Variants in ANKS6 observed in about 807,000 individuals in gnomAD.
The protein encoded by ANKS6 is ankyrin repeat and SAM domain-containing protein 6.
Under a neutral mutation model 77.9 loss-of-function variants are expected in ANKS6, and 47 were observed. The observed-to-expected ratio is 0.60, with a 90% CI of 0.48 to 0.77. The LOEUF is 0.77. Ranked by LOEUF, ANKS6 falls within the 30% of genes least tolerant of loss-of-function variation. The pLI, the probability that ANKS6 is intolerant of heterozygous loss-of-function variation, is 0.00. For missense variants in ANKS6, 1,150 were observed against 1,159.1 expected, an observed-to-expected ratio of 0.99 and a Z score of 0.11; for synonymous variants, 488 against 501.7, an observed-to-expected ratio of 0.97 and a Z score of 0.37.
chr9:98,738,306 G>A (rs181424237), intron 14 of ANKS6, among the ~76,000 whole-genome samples: 13 of 152,036 alleles, frequency 8.6e-5, no homozygotes, highest in Admixed American at 7.8e-4. Flanking sequence ...AACCCACAGA[G>A]TGGGAAAAAA....
At chr9:98,760,419 AATCCTGCCCTG>A (rs1159576440) in intron 11 of ANKS6, among the ~76,000 whole-genome samples, 1,034 of 75,990 alleles carry the variant, frequency 0.014, 10 homozygotes, top group African/African-American at 0.048. Context: ...CCTGCCCTCT[AATCCTGCCCTG>A]GTCTTTGCTG....
At chr9:98,753,593 C>T (rs1010093532) in intron 12 of ANKS6, among the ~76,000 whole-genome samples, 1 of 150,438 alleles carries the variant, frequency 6.6e-6, no homozygotes, top group Admixed American at 6.7e-5. Flanking sequence ...TGTACCCCAG[C>T]CTGGGTGACA....
In ANKS6 at chr9:98,732,476, G is replaced by A. The variant is rs780121761; in HGVS notation, c.*4043C>T. 2.3e-5 allele frequency: 35 copies of A among 1,549,916 alleles called. No individual in the cohort carries two copies. Among genetic ancestry groups the A allele is most frequent in the Admixed American group, 1.8e-4 (9 of 50,982 alleles). ...GCCACTCCTCACTTCTGTGGGCTCC[G>A]ATGCCAGCAGAGCCACCTGAGCGGC... On this transcript the variant is annotated 3_prime_UTR_variant, in exon 15 of 15. Transcript: ENST00000353234.
chr9:98,768,057 G>C (rs751710568), intron 11 of ANKS6, 24 bp downstream of exon 11: 14 of 1,588,854 alleles, frequency 8.8e-6, no homozygotes, highest in South Asian at 2.3e-5. Flanking sequence ...AGTGTAACAG[G>C]AGGAGGCCAC....
chr9:98,768,851 C>T (rs117002373), intron 10 of ANKS6, among the ~76,000 whole-genome samples: 1,618 of 152,228 alleles, frequency 0.011, 14 homozygotes, highest in Non-Finnish European at 0.015. Flanking sequence ...ATAAAGGGGC[C>T]GGGTGCAGTG....
rs942310263 is a variant in ANKS6, at chr9:98,733,464, C to T, written c.*3055G>A. ...GGGACCCTGCCATCTCAAAGCAGGA[C>T]CGGTCCCCTGATGTCCCACTGCCAA... is the stretch of plus-strand genomic sequence containing the variant. On this transcript the variant is annotated 3_prime_UTR_variant, in exon 15 of 15. Coordinates refer to ENST00000353234, the MANE Select transcript of ANKS6 (RefSeq NM_173551.5). 1.0e-6 allele frequency: 1 copy of T among 985,504 alleles called. No homozygotes were observed. The highest frequency in any genetic ancestry group is 1.2e-6 in the Non-Finnish European group (1 of 830,012). The allele number at this position is 985,504 out of a possible 1,614,324, so 61.0% of individuals were successfully genotyped here.
At chr9:98,789,841 T>C (rs1324091150) in intron 2 of ANKS6, 1 of 426,518 alleles carries the variant, frequency 2.3e-6, no homozygotes, top group Non-Finnish European at 4.0e-6. Flanking sequence ...ATCAGAATGA[T>C]GTGCTTGGGG....
At chr9:98,762,436 C>T (rs1234374334) in intron 11 of ANKS6, among the ~76,000 whole-genome samples, 2 of 152,096 alleles carry the variant, frequency 1.3e-5, no homozygotes, top group African/African-American at 4.8e-5. Flanking sequence ...CCTTATTGTA[C>T]TAGCCATAGT....
At position 98,763,994 on chromosome 9, in the gene ANKS6, G is replaced by C. The variant is rs11794260; in HGVS notation, c.2142+4087C>G. On this transcript the variant is annotated intron_variant, in intron 11 of 14. Transcript: ENST00000353234. ...TTCTGTAAGTTAAAACCTTCCAAAA[G>C]AGAAAACGGCAGGCCCAAATGGTTT... 4.9e-3 allele frequency among the ~76,000 whole-genome samples: 753 copies of C among 152,210 alleles called. 6 individuals are homozygous for C. The highest frequency in any genetic ancestry group is 0.022 in the South Asian group (108 of 4,820).
Position 98,771,034 on chromosome 9 carries a change from G to C in ANKS6, c.1834C>G (p.Pro612Ala), listed in dbSNP as rs755621310. 4.4e-6 allele frequency: 7 copies of C among 1,574,058 alleles called. No homozygotes were observed. In the Admixed American group the frequency reaches 9.2e-5, roughly 21 times the overall value. ...GGGTDTTPVR[P>A]VKFPSLPRSP... is the part of the protein sequence containing the mutation. ...CTGGGGAGGCTTGGAAATTTAACAG[G>C]CCTGACGGGTGTCTACAAGAATAAG... is the stretch of plus-strand genomic sequence containing the variant. Residue 612 changes from proline to alanine, a missense_variant, in exon 10 of 15, where the codon CCT becomes GCT. Pro to Ala is a conservative substitution (Grantham distance 27). Transcript: ENST00000353234.
At chr9:98,752,926 GA>G (rs1250029921) in intron 12 of ANKS6, among the ~76,000 whole-genome samples, 1 of 152,174 alleles carries the variant, frequency 6.6e-6, no homozygotes, top group Admixed American at 6.5e-5. Flanking sequence ...GGATGTATGA[GA>G]CAAATCAAAT....
intron 11 of ANKS6, among the ~76,000 whole-genome samples, chr9:98,758,118 T>G (rs1832812492): frequency 6.6e-6 from 1 of 152,154 alleles, no homozygotes; most frequent in African/African-American, 2.4e-5. Context: ...ATTTATTATC[T>G]GTAATACTTC....
rs372559851 is a variant in ANKS6, at chr9:98,736,579, G to C, written c.2556C>G (p.His852Gln). The C allele has an allele frequency of 1.2e-5, 19 of 1,613,552 alleles. No homozygotes were observed. The highest frequency in any genetic ancestry group is 2.7e-5 in the African/African-American group (2 of 75,034). ...QILQETIHNF[H>Q]SSFESSASNT... ...TGCTGGCACTGCTCTCAAAGGAAGAGTGAAAGTTGTGAATGGTTTCCTGTA... is the reference window on the plus strand; with the variant it reads ...TGCTGGCACTGCTCTCAAAGGAAGACTGAAAGTTGTGAATGGTTTCCTGTA... Residue 852 changes from histidine (H) to glutamine (Q), a missense_variant, in exon 15 of 15, where the codon CAC (histidine) becomes CAG (glutamine). Coordinates refer to ENST00000353234, the MANE Select transcript of ANKS6 (RefSeq NM_173551.5).
At chr9:98,771,638 G>T (rs1489994019) in intron 9 of ANKS6, among the ~76,000 whole-genome samples, 2 of 152,186 alleles carry the variant, frequency 1.3e-5, no homozygotes, top group Non-Finnish European at 2.9e-5. Flanking sequence ...GTTTCCTGCT[G>T]ATCTTTTTTG....
chr9:98,771,164 GC>G, intron 9 of ANKS6, 118 bp from the exon 10 acceptor site: 1 of 1,180,330 alleles, frequency 8.5e-7, no homozygotes, highest in Non-Finnish European at 1.1e-6. Context: ...AGCTCGCTGT[GC>G]CCAGCATGGC....
At position 98,778,427 on chromosome 9, in the gene ANKS6, G is replaced by A. The variant is rs762060159; in HGVS notation, c.1369-3C>T. ...TTGGACATTCGGTTCCACCAGGACT[G>A]CCAAAGGAACGCAGAGCAGAAGTCA... is the stretch of plus-strand genomic sequence containing the variant. On this transcript the variant is annotated splice_polypyrimidine_tract_variant and splice_region_variant and intron_variant, in intron 6 of 14. Coordinates refer to ENST00000353234, the MANE Select transcript of ANKS6 (RefSeq NM_173551.5). 6.2e-7 allele frequency: 1 copy of A among 1,613,604 alleles called. No homozygotes were observed. Among genetic ancestry groups the A allele is most frequent in the Non-Finnish European group, 8.5e-7 (1 of 1,179,814 alleles).
rs1390595475 is a variant in ANKS6, at chr9:98,796,515, T to TCCCGTCCGCCCCGCC, written c.-39_-25dup. 35 of 982,200 alleles carry TCCCGTCCGCCCCGCC rather than the reference T, an allele frequency of 3.6e-5. No homozygotes were observed. Among genetic ancestry groups the TCCCGTCCGCCCCGCC allele is most frequent in the Non-Finnish European group, 3.9e-5 (32 of 828,764 alleles). 60.8% of individuals were successfully genotyped at this position (982,200 alleles called of 1,614,324 possible). ...ATCGCCGCCGCCACGCGCGGCCCGC[T>TCCCGTCCGCCCCGCC]CCCGTCCGCCCCGCCGGCCGCGTCG... On this transcript the variant is annotated 5_prime_UTR_variant, in exon 1 of 15. Coordinates refer to ENST00000353234, the MANE Select transcript of ANKS6 (RefSeq NM_173551.5).
At chr9:98,752,576 A>T (rs1832489972) in intron 12 of ANKS6, among the ~76,000 whole-genome samples, 1 of 152,172 alleles carries the variant, frequency 6.6e-6, no homozygotes, top group South Asian at 2.1e-4. Context: ...GCTAATACAC[A>T]GTGCTATCAG....
At chr9:98,794,373 C>T (rs747776804) in intron 1 of ANKS6, among the ~76,000 whole-genome samples, 1 of 152,088 alleles carries the variant, frequency 6.6e-6, no homozygotes, top group African/African-American at 2.4e-5. Context: ...AAGAAGAGCA[C>T]AAGGCTGGAA....
Sources: gnomAD v4.1 joint callset for allele counts (sites outside exome capture counted in the v4.1 genomes callset) on GRCh38, gnomAD v4.1.1 for gene constraint, MANE v1.5 for transcripts, NCBI Gene and HGNC (gene_info 2026-07-23, HGNC 2026-07-21) for gene names.